The following DDX43 variants were observed in gnomAD, a reference collection of about 807,000 sequenced individuals.
DDX43 encodes DEAD-box helicase 43.
In DDX43, 50 loss-of-function variants were observed where a neutral mutation model predicts 84.9. The ratio of observed to expected loss-of-function variants is 0.59; its 90% confidence interval spans 0.47 to 0.75. DDX43 has a LOEUF of 0.75. DDX43 is among the 30% of genes least tolerant of loss of function. The pLI is 0.00. For synonymous variants in DDX43, 291 were observed against 266.3 expected, an observed-to-expected ratio of 1.09 and a Z score of -0.90; for missense variants, 689 against 798.6, an observed-to-expected ratio of 0.86 and a Z score of 1.65.
At chr6:73,411,847 G>T (rs549948166) in intron 10 of DDX43, among the ~76,000 whole-genome samples, 4 of 152,004 alleles carry the variant, frequency 2.6e-5, no homozygotes, top group South Asian at 2.1e-4. Context: ...ACAGGCGTCC[G>T]CTAACACACC....
chr6:73,400,871 C>T (rs376746700), intron 3 of DDX43, among the ~76,000 whole-genome samples: 1 of 152,186 alleles, frequency 6.6e-6, no homozygotes, highest in African/African-American at 2.4e-5. Flanking sequence ...AATAGAGACA[C>T]CTGGGTTTAG....
At chr6:73,414,428 C>A in intron 13 of DDX43, 120 bp from the exon 14 acceptor site, 1 of 907,418 alleles carries the variant, frequency 1.1e-6, no homozygotes, top group Non-Finnish European at 1.6e-6. Context: ...ACAAAGTAAG[C>A]ATTTTAATGT....
At chr6:73,411,861 C>G (rs984767029) in intron 10 of DDX43, among the ~76,000 whole-genome samples, 1 of 152,070 alleles carries the variant, frequency 6.6e-6, no homozygotes, top group East Asian at 1.9e-4. Context: ...ACACACCCAG[C>G]TGATTTTTGT....
At chr6:73,409,390 T>C in intron 10 of DDX43, 42 bp downstream of exon 10, 1 of 1,430,678 alleles carries the variant, frequency 7.0e-7, no homozygotes, top group Non-Finnish European at 9.8e-7. Context: ...TAGAAATCAG[T>C]GGAATAGAAT....
chr6:73,405,353 T>G (rs536127200), intron 5 of DDX43, among the ~76,000 whole-genome samples: 1 of 152,176 alleles, frequency 6.6e-6, no homozygotes, highest in Non-Finnish European at 1.5e-5. Context: ...ATGAAATATG[T>G]GTGGAACATC....
At chr6:73,413,172 G>A (rs1031345429) in intron 11 of DDX43, among the ~76,000 whole-genome samples, 2 of 151,932 alleles carry the variant, frequency 1.3e-5, no homozygotes, top group Non-Finnish European at 1.5e-5. Context: ...TTGTCAGTGG[G>A]AACCCTCCAT....
intron 2 of DDX43, among the ~76,000 whole-genome samples, chr6:73,398,848 C>G (rs1183459455): frequency 1.3e-5 from 2 of 152,186 alleles, no homozygotes; most frequent in Non-Finnish European, 2.9e-5. Flanking sequence ...TTGTACTTCT[C>G]AAGGGGAATG....
intron 8 of DDX43, 133 bp downstream of exon 8, chr6:73,407,748 A>G: frequency 1.3e-6 from 1 of 789,890 alleles, no homozygotes; most frequent in Non-Finnish European, 2.1e-6. Context: ...ATTTAGCACT[A>G]CTCTAATCAG....
chr6:73,407,889 T>C (rs1769713515), intron 8 of DDX43, 71 bp from the exon 9 acceptor site: 3 of 1,458,162 alleles, frequency 2.1e-6, no homozygotes, highest in Non-Finnish European at 2.8e-6. Flanking sequence ...TTTTATCCCT[T>C]TTATTGGATT....
chr6:73,403,055 T>G (rs558660229), intron 4 of DDX43, among the ~76,000 whole-genome samples: 18 of 152,352 alleles, frequency 1.2e-4, no homozygotes, highest in African/African-American at 4.3e-4. Flanking sequence ...TGCTACTATG[T>G]TGGTCAAGAC....
chr6:73,407,410 C>T (rs368111191), intron 7 of DDX43, 95 bp from the exon 8 acceptor site: 35 of 862,158 alleles, frequency 4.1e-5, no homozygotes, highest in East Asian at 1.3e-4. Context: ...TGAGCCACCA[C>T]GTCTGGCTTG....
chr6:73,405,689 T>G lies in DDX43; in HGVS notation c.661T>G (p.Phe221Val). ...VEADSWRKEN[F>V]NITWDDLKDG... ...TTTTATTCTTTGAAGGAAAGAAAAT[T>G]TTAATATAACGTGGGATGACTTGAA... The change falls in exon 6 of 17, where the codon TTT becomes GTT. Residue 221 changes from phenylalanine (F) to valine (V), a missense_variant. This residue lies in a region of DDX43 where 552 missense variants were observed against 692.7 expected (regional missense o/e 0.80). Transcript: ENST00000370336. 1 of 1,611,836 alleles carries G rather than the reference T, an allele frequency of 6.2e-7. No homozygotes were observed. The highest frequency in any genetic ancestry group is 8.5e-7 in the Non-Finnish European group (1 of 1,179,426).
At chr6:73,403,629 C>T (rs1303221744) in intron 4 of DDX43, among the ~76,000 whole-genome samples, 1 of 152,006 alleles carries the variant, frequency 6.6e-6, no homozygotes, top group Non-Finnish European at 1.5e-5. Flanking sequence ...TGTTTGATGT[C>T]TTACAAAGCA....
At chr6:73,395,558 G>A (rs1769450896) in intron 1 of DDX43, among the ~76,000 whole-genome samples, 2 of 151,630 alleles carry the variant, frequency 1.3e-5, no homozygotes, top group Admixed American at 6.6e-5. Context: ...AGTTGGCAGT[G>A]AGCTGAGATC....
At chr6:73,413,625 A>T in intron 11 of DDX43, 33 bp from the exon 12 acceptor site, 1 of 1,603,508 alleles carries the variant, frequency 6.2e-7, no homozygotes, top group Non-Finnish European at 8.5e-7. Context: ...AATCATGATG[A>T]CCTTGATGAA....
intron 4 of DDX43, among the ~76,000 whole-genome samples, chr6:73,404,151 T>C (rs1251550112): frequency 4.6e-5 from 7 of 152,000 alleles, no homozygotes; most frequent in Admixed American, 2.6e-4. Context: ...GTTTCACTTT[T>C]GTTGCCCAGG....
chr6:73,407,368 C>T, intron 7 of DDX43, 137 bp from the exon 8 acceptor site: 1 of 608,658 alleles, frequency 1.6e-6, no homozygotes, highest in South Asian at 2.0e-5. Flanking sequence ...ATCCGACTGC[C>T]TTGGCCTCCC....
chr6:73,413,541 T>C, intron 11 of DDX43, 117 bp from the exon 12 acceptor site: 1 of 1,035,514 alleles, frequency 9.7e-7, no homozygotes, highest in Non-Finnish European at 1.4e-6. Flanking sequence ...GCCATTTTGC[T>C]TAGCAGTTTA....
intron 3 of DDX43, among the ~76,000 whole-genome samples, chr6:73,401,426 A>G (rs530666088): frequency 6.6e-6 from 1 of 152,318 alleles, no homozygotes; most frequent in East Asian, 1.9e-4. Context: ...AAGTTGTTGA[A>G]TGATAACAAA....
Sources: gnomAD v4.1 joint callset for allele counts (sites outside exome capture counted in the v4.1 genomes callset) on GRCh38, gnomAD v4.1.1 for gene constraint, gnomAD v4.1.1 regional missense constraint, MANE v1.5 for transcripts, NCBI Gene and HGNC (gene_info 2026-07-23, HGNC 2026-07-21) for gene names.